The following FAM162B variants were observed in gnomAD, a reference collection of about 807,000 sequenced individuals.
The protein encoded by FAM162B is protein FAM162B.
A neutral mutation model predicts 20.0 loss-of-function variants in FAM162B; 16 were observed. That is an observed-to-expected ratio of 0.80 (90% CI 0.54 to 1.21). FAM162B has a LOEUF of 1.21. Ranked by LOEUF, FAM162B falls within the 50% of genes most tolerant of loss-of-function variation. The pLI, the probability that FAM162B is intolerant of heterozygous loss-of-function variation, is 0.00. For missense variants in FAM162B, 260 were observed against 227.5 expected, an observed-to-expected ratio of 1.14 and a Z score of -0.92; for synonymous variants, 83 against 89.7, an observed-to-expected ratio of 0.93 and a Z score of 0.42.
At chr6:116,763,008 G>T (rs1285746407) in intron 2 of FAM162B, among the ~76,000 whole-genome samples, 2 of 151,666 alleles carry the variant, frequency 1.3e-5, no homozygotes, top group Non-Finnish European at 2.9e-5. Flanking sequence ...AATCCAGAAA[G>T]ACAAAGTTGC....
intron 3 of FAM162B, among the ~76,000 whole-genome samples, chr6:116,761,007 A>G (rs1780134543): frequency 6.6e-6 from 1 of 152,216 alleles, no homozygotes; most frequent in South Asian, 2.1e-4. Flanking sequence ...TCACAACCAA[A>G]AATGTTATAA....
At chr6:116,756,777 CAA>C (rs1407597472) in intron 3 of FAM162B, among the ~76,000 whole-genome samples, 4 of 152,162 alleles carry the variant, frequency 2.6e-5, no homozygotes, top group Non-Finnish European at 4.4e-5. Context: ...CTTCCACCAG[CAA>C]AAAGATTACA....
At chr6:116,763,166 T>C (rs1046385181) in intron 2 of FAM162B, among the ~76,000 whole-genome samples, 7 of 152,266 alleles carry the variant, frequency 4.6e-5, no homozygotes, top group Middle Eastern at 3.4e-3. Context: ...TTAGTGAGTA[T>C]GGAGAAATTA....
At chr6:116,764,911 A>C (rs1217313757) in intron 2 of FAM162B, among the ~76,000 whole-genome samples, 2 of 151,786 alleles carry the variant, frequency 1.3e-5, no homozygotes, top group Admixed American at 1.3e-4. Context: ...TGTCCCCTGA[A>C]CCTCTCAGTT....
At chr6:116,752,746 A>C (rs755603037) in intron 3 of FAM162B, 51 bp from the exon 4 acceptor site, 20 of 449,102 alleles carry the variant, frequency 4.5e-5, no homozygotes, top group Non-Finnish European at 9.6e-6. Flanking sequence ...ATACACGTAT[A>C]TATATATATA....
intron 3 of FAM162B, among the ~76,000 whole-genome samples, chr6:116,761,556 G>C (rs1780141833): frequency 6.7e-6 from 1 of 150,344 alleles, no homozygotes; most frequent in African/African-American, 2.4e-5. Context: ...TGGCCATATA[G>C]TGTTAATTTG....
intron 2 of FAM162B, among the ~76,000 whole-genome samples, chr6:116,764,244 T>C (rs933794341): frequency 1.3e-5 from 2 of 152,244 alleles, no homozygotes; most frequent in Non-Finnish European, 2.9e-5. Context: ...ATTCATTACA[T>C]TGTACAAATA....
chr6:116,759,310 T>A (rs544465970), intron 3 of FAM162B, among the ~76,000 whole-genome samples: 13 of 149,722 alleles, frequency 8.7e-5, no homozygotes, highest in Middle Eastern at 6.8e-3. Context: ...TTTTTTTTTT[T>A]TTTTTTATTT....
chr6:116,763,921 T>TA (rs1235602399), intron 2 of FAM162B, among the ~76,000 whole-genome samples: 1 of 152,196 alleles, frequency 6.6e-6, no homozygotes, highest in East Asian at 1.9e-4. Context: ...TTGGAGTCTA[T>TA]AGATCTCGAG....
intron 3 of FAM162B, among the ~76,000 whole-genome samples, chr6:116,758,449 G>T (rs1172366229): frequency 6.6e-6 from 1 of 152,088 alleles, no homozygotes; most frequent in African/African-American, 2.4e-5. Flanking sequence ...TTTATTTAGT[G>T]GAGCTCCTTA....
At chr6:116,759,821 T>C (rs1350710762) in intron 3 of FAM162B, among the ~76,000 whole-genome samples, 2 of 152,140 alleles carry the variant, frequency 1.3e-5, no homozygotes, top group Non-Finnish European at 2.9e-5. Flanking sequence ...AGCTCCTTTT[T>C]GTTTCTTAAC....
chr6:116,758,391 C>G (rs1191244828), intron 3 of FAM162B, among the ~76,000 whole-genome samples: 1 of 152,074 alleles, frequency 6.6e-6, no homozygotes. Context: ...GCAAATTCTG[C>G]CTTTTTGTAT....
At chr6:116,762,557 A>T (rs548101) in intron 2 of FAM162B, among the ~76,000 whole-genome samples, 3 of 151,476 alleles carry the variant, frequency 2.0e-5, no homozygotes, top group African/African-American at 7.3e-5. Flanking sequence ...TTGTCCCTTC[A>T]CATGCTACCC....
chr6:116,752,673 A>G lies in FAM162B; in HGVS notation c.413T>C (p.Leu138Ser), dbSNP rs1271171631. Reference protein sequence around the residue: ...AKRAVERHESLTSWNLAKKAK... With the variant: ...AKRAVERHESSTSWNLAKKAK... ...TTTCTTTGCCAAGTTCCAACTTGTT[A>G]AGGATTCATGTCGTTCTACAGCCTG... is the stretch of plus-strand genomic sequence containing the variant. The change falls in exon 4 of 4, where the codon TTA (leucine) becomes TCA (serine). Residue 138 changes from leucine (L) to serine (S), a missense_variant. Transcript: ENST00000368557. 1 of 1,581,186 alleles carries G rather than the reference A, an allele frequency of 6.3e-7. No individual in the cohort carries two copies. Among genetic ancestry groups the G allele is most frequent in the South Asian group, 1.1e-5 (1 of 87,174 alleles).
chr6:116,759,105 C>T (rs549981769), intron 3 of FAM162B, among the ~76,000 whole-genome samples: 59 of 152,056 alleles, frequency 3.9e-4, no homozygotes, highest in East Asian at 7.7e-4. Context: ...TAGAGAAGTT[C>T]GCTCTCTTTA....
chr6:116,765,049 C>G (rs1008538928), intron 2 of FAM162B, 98 bp downstream of exon 2: 6 of 1,132,962 alleles, frequency 5.3e-6, no homozygotes, highest in Middle Eastern at 3.9e-4. Flanking sequence ...GCACTGCGGC[C>G]GCTTTCGCTC....
intron 2 of FAM162B, among the ~76,000 whole-genome samples, chr6:116,763,728 T>G (rs1353591891): frequency 2.6e-5 from 4 of 151,952 alleles, no homozygotes; most frequent in Non-Finnish European, 5.9e-5. Flanking sequence ...GTTAGGCCAC[T>G]AGAAATAAAA....
intron 2 of FAM162B, among the ~76,000 whole-genome samples, chr6:116,762,424 T>C (rs1771801307): frequency 6.6e-6 from 1 of 152,184 alleles, no homozygotes; most frequent in South Asian, 2.1e-4. Flanking sequence ...TTAAAGCATA[T>C]GTATGTTGAT....
At chr6:116,765,115 AC>A in intron 2 of FAM162B, 31 bp downstream of exon 2, 1 of 1,603,576 alleles carries the variant, frequency 6.2e-7, no homozygotes, top group Non-Finnish European at 8.5e-7. Context: ...CCGGGGACCG[AC>A]TCTCCTTCGC....
Sources: allele counts gnomAD v4.1 joint callset (sites outside exome capture counted in the v4.1 genomes callset), GRCh38; gene constraint gnomAD v4.1.1; transcripts MANE v1.5; gene names NCBI Gene and HGNC (gene_info 2026-07-23, HGNC 2026-07-21).